The following ZNF385B variants were observed in gnomAD, a reference collection of about 807,000 sequenced individuals.
ZNF385B encodes zinc finger protein 385B, also known as zinc finger protein 533.
ZNF385B carries 23 observed loss-of-function variants against 39.2 expected under a neutral mutation model. The observed-to-expected ratio is 0.59, with a 90% CI of 0.42 to 0.83. ZNF385B has a LOEUF of 0.83. Among genes scored for constraint, ZNF385B ranks in the 40% least tolerant of loss-of-function variants. The probability of loss-of-function intolerance (pLI) is 0.00; values close to 1 mark genes in which losing one functional copy is unlikely to be tolerated. For missense variants in ZNF385B, 552 were observed against 598.9 expected (o/e 0.92, Z 0.82); for synonymous variants, 205 against 222.6 (o/e 0.92, Z 0.70).
chr2:179,544,434 A>G (rs2060101538), intron 4 of ZNF385B, among the ~76,000 whole-genome samples: 1 of 151,334 alleles, frequency 6.6e-6, no homozygotes, highest in South Asian at 2.1e-4. Context: ...AGCCAGAGAG[A>G]TAAATCCTAC....
chr2:179,742,227 T>G (rs1014972852), intron 3 of ZNF385B, among the ~76,000 whole-genome samples: 5 of 152,128 alleles, frequency 3.3e-5, no homozygotes, highest in Non-Finnish European at 7.4e-5. Context: ...GTTTCTCAGA[T>G]AGTAACTTTC....
chr2:179,666,183 A>G (rs1042267380), intron 3 of ZNF385B, among the ~76,000 whole-genome samples: 12 of 152,228 alleles, frequency 7.9e-5, no homozygotes, highest in Admixed American at 3.3e-4. Context: ...AAAAAATTTC[A>G]TTAAGGAAAT....
chr2:179,561,513 C>T (rs1173772356), intron 3 of ZNF385B, among the ~76,000 whole-genome samples: 1 of 151,906 alleles, frequency 6.6e-6, no homozygotes, highest in Non-Finnish European at 1.5e-5. Context: ...TTTCAAGCCA[C>T]CTGAAATCCC....
intron 1 of ZNF385B, among the ~76,000 whole-genome samples, chr2:179,774,246 A>G (rs1321539415): frequency 6.6e-6 from 1 of 150,594 alleles, no homozygotes; most frequent in Non-Finnish European, 1.5e-5. Flanking sequence ...ATGTGGGTAT[A>G]GTGGAGGGTG....
chr2:179,585,922 C>G (rs1397666604), intron 3 of ZNF385B: 1 of 152,182 alleles, frequency 6.6e-6, no homozygotes, highest in Non-Finnish European at 1.5e-5. Flanking sequence ...AACACATATA[C>G]GAACAGTTCA....
At chr2:179,695,635 A>C (rs1382569370) in intron 3 of ZNF385B, among the ~76,000 whole-genome samples, 2 of 152,222 alleles carry the variant, frequency 1.3e-5, no homozygotes, top group Non-Finnish European at 2.9e-5. Flanking sequence ...AATACAAATG[A>C]AAACCACAAT....
At chr2:179,655,478 TAAAGA>T (rs1194723335) in intron 3 of ZNF385B, among the ~76,000 whole-genome samples, 1 of 95,698 alleles carries the variant, frequency 1.0e-5, no homozygotes, top group Non-Finnish European at 2.1e-5. Flanking sequence ...ATTAATCTTA[TAAAGA>T]AAAGAAAGCA....
chr2:179,738,299 T>C (rs1701888931), intron 3 of ZNF385B, among the ~76,000 whole-genome samples: 1 of 152,210 alleles, frequency 6.6e-6, no homozygotes. Context: ...CTCTTCCCCT[T>C]GATAAGGTAC....
rs1365265628 is a variant in ZNF385B, at chr2:179,765,240, T to A, written c.298+4263A>T. ...CAAAGCTCCAAGATTCATTTTCATTTCCTTTCTAGTTGAAAATTTTCCTTT... is the reference window on the plus strand; with the variant it reads ...CAAAGCTCCAAGATTCATTTTCATTACCTTTCTAGTTGAAAATTTTCCTTT... On this transcript the variant is annotated intron_variant, in intron 3 of 9. Transcript: ENST00000410066. Among the ~76,000 whole-genome samples, 3 of 152,346 alleles carry A rather than the reference T, an allele frequency of 2.0e-5. No individual in the cohort carries two copies. The East Asian group carries it at 5.8e-4, about 29-fold the overall frequency.
chr2:179,648,047 G>C (rs1035633032), intron 3 of ZNF385B, among the ~76,000 whole-genome samples: 1 of 152,102 alleles, frequency 6.6e-6, no homozygotes, highest in South Asian at 2.1e-4. Context: ...GGGAGTCAGG[G>C]CCTCCAGAGG....
chr2:179,604,360 T>G (rs1293508604), intron 3 of ZNF385B, among the ~76,000 whole-genome samples: 1 of 151,788 alleles, frequency 6.6e-6, no homozygotes, highest in Non-Finnish European at 1.5e-5. Context: ...ACGGGGCTAA[T>G]GATGGCTAGG....
At chr2:179,580,419 T>C (rs1356365207) in intron 3 of ZNF385B, among the ~76,000 whole-genome samples, 1 of 152,138 alleles carries the variant, frequency 6.6e-6, no homozygotes, top group East Asian at 1.9e-4. Context: ...GTGGGTATCA[T>C]AATAAATGAA....
chr2:179,518,718 T>C, intron 4 of ZNF385B, 80 bp from the exon 5 acceptor site: 1 of 815,944 alleles, frequency 1.2e-6, no homozygotes, highest in Non-Finnish European at 1.9e-6. Flanking sequence ...GTAGTTGAAA[T>C]ATTCCATAAA....
chr2:179,696,325 A>AATTTTTT (rs1333224792), intron 3 of ZNF385B, among the ~76,000 whole-genome samples: 2 of 9,848 alleles, frequency 2.0e-4, no homozygotes, highest in Non-Finnish European at 2.6e-4. Context: ...ACAAACTGGG[A>AATTTTTT]CTTTTTTTTT....
chr2:179,670,249 G>A (rs971287232), intron 3 of ZNF385B, among the ~76,000 whole-genome samples: 3 of 138,386 alleles, frequency 2.2e-5, no homozygotes. Context: ...CCGAGATTGC[G>A]CCACTGCACT....
At chr2:179,860,448 C>T (rs1386192860) in intron 1 of ZNF385B, among the ~76,000 whole-genome samples, 2 of 152,168 alleles carry the variant, frequency 1.3e-5, no homozygotes, top group African/African-American at 4.8e-5. Context: ...GGTCCTCCCC[C>T]TCCCCTTCTC....
intron 3 of ZNF385B, among the ~76,000 whole-genome samples, chr2:179,563,297 G>C (rs1684153455): frequency 6.6e-6 from 1 of 152,108 alleles, no homozygotes; most frequent in South Asian, 2.1e-4. Flanking sequence ...ACACAGTGTG[G>C]CTATGACTGA....
chr2:179,569,132 A>G (rs1574842388), intron 3 of ZNF385B, among the ~76,000 whole-genome samples: 1 of 152,142 alleles, frequency 6.6e-6, no homozygotes, highest in African/African-American at 2.4e-5. Flanking sequence ...GAAAGACAAA[A>G]TATCTTCCCC....
At chr2:179,461,282 T>C (rs1179254674) in intron 6 of ZNF385B, among the ~76,000 whole-genome samples, 1 of 152,178 alleles carries the variant, frequency 6.6e-6, no homozygotes, top group Non-Finnish European at 1.5e-5. Context: ...CCATTTTGCC[T>C]CTTGCGTGGA....
Sources: gnomAD v4.1 joint callset for allele counts (sites outside exome capture counted in the v4.1 genomes callset) on GRCh38, gnomAD v4.1.1 for gene constraint, MANE v1.5 for transcripts, NCBI Gene and HGNC (gene_info 2026-07-23, HGNC 2026-07-21) for gene names.